Variants in DROSHA observed in about 807,000 individuals in gnomAD.
DROSHA encodes drosha ribonuclease III, also known as ribonuclease 3.
DROSHA carries 56 observed loss-of-function variants against 181.9 expected under a neutral mutation model. The observed-to-expected ratio is 0.31, with a 90% CI of 0.25 to 0.38. DROSHA has a LOEUF of 0.38. DROSHA is among the 10% of genes least tolerant of loss of function. The pLI, the probability that DROSHA is intolerant of heterozygous loss-of-function variation, is 1.00. For missense variants in DROSHA, 1,218 were observed against 1,743.5 expected (o/e 0.70, Z 5.37); for synonymous variants, 524 against 591.2 (o/e 0.89, Z 1.65).
At chr5:31,513,993 T>C (rs534246199) in intron 8 of DROSHA, among the ~76,000 whole-genome samples, 19 of 152,208 alleles carry the variant, frequency 1.2e-4, no homozygotes, top group East Asian at 3.9e-4. Flanking sequence ...GTAGAAATAG[T>C]GGTGGAGTCT....
chr5:31,480,178 G>GTATATATATA (rs55828936), intron 16 of DROSHA, among the ~76,000 whole-genome samples: 1,373 of 84,784 alleles, frequency 0.016, 99 homozygotes, highest in Middle Eastern at 0.039. Context: ...GGCAATGTCA[G>GTATATATATA]TATATATATA....
At position 31,410,716 on chromosome 5, in the gene DROSHA, G is replaced by A. The variant is rs757060975; in HGVS notation, c.3667+30C>T. On this transcript the variant is annotated intron_variant, in intron 31 of 35. Coordinates refer to ENST00000344624, the MANE Select transcript of DROSHA (RefSeq NM_001382508.1). ...TACTTGGACTTAAACTCTGAACCTGGAGGTTGAGAGAAAAGTGTGTGGCAC... is the reference window on the plus strand; with the variant it reads ...TACTTGGACTTAAACTCTGAACCTGAAGGTTGAGAGAAAAGTGTGTGGCAC... 4 of 1,604,288 alleles carry A rather than the reference G, an allele frequency of 2.5e-6. No individual in the cohort carries two copies. In the South Asian group the frequency reaches 4.5e-5, roughly 18 times the overall value.
chr5:31,497,646 T>C (rs1375416233), intron 11 of DROSHA, among the ~76,000 whole-genome samples: 1 of 152,234 alleles, frequency 6.6e-6, no homozygotes, highest in Non-Finnish European at 1.5e-5. Context: ...ACCCAGTAGC[T>C]GGATCAGAGA....
In DROSHA at chr5:31,437,246, G is replaced by A. The variant is rs940094145; in HGVS notation, c.2935C>T (p.Leu979=). The A allele has an allele frequency of 4.4e-6, 7 of 1,574,656 alleles. No individual in the cohort carries two copies. Among genetic ancestry groups the A allele is most frequent in the Admixed American group, 1.8e-5 (1 of 54,718 alleles). ...EFLGDAVVEF[L]TSVHLYYLFP... is the part of the protein sequence containing the mutation. ...ACAAAAAAGCCTAATTACCTGGTCA[G>A]AAATTCAACAACAGCATCACCCAGG... The change falls in exon 24 of 36, where the codon CTG becomes TTG. Residue 979 remains leucine (L), a synonymous_variant. Transcript: ENST00000344624.
In DROSHA at chr5:31,514,074, C is replaced by T. The variant is rs1739003532; in HGVS notation, c.1290+914G>A. On this transcript the variant is annotated intron_variant, in intron 8 of 35. Transcript: ENST00000344624. The surrounding 1 kb of genome is among the most constrained non-coding windows in gnomAD (Gnocchi z 4.4). Reference sequence around the variant, plus strand: ...CCCTGGCAGCATGTGCTCTAGGAGTCCTCCCTCCAGCCCATTAAGGGTGAC... The same window carrying T: ...CCCTGGCAGCATGTGCTCTAGGAGTTCTCCCTCCAGCCCATTAAGGGTGAC... Among the ~76,000 whole-genome samples the T allele has an allele frequency of 6.6e-6, 1 of 152,194 alleles. No individual in the cohort carries two copies. The highest frequency in any genetic ancestry group is 6.5e-5 in the Admixed American group (1 of 15,286).
At chr5:31,449,442 T>A in intron 21 of DROSHA, 23 bp from the exon 22 acceptor site, 1 of 1,549,996 alleles carries the variant, frequency 6.5e-7, no homozygotes, top group Non-Finnish European at 8.7e-7. Context: ...TGAAATAAGT[T>A]CAGTCTTTAA....
At chr5:31,522,781 C>T (rs12516743) in intron 5 of DROSHA, among the ~76,000 whole-genome samples, 67,371 of 152,096 alleles carry the variant, frequency 0.44, 15,222 homozygotes, top group South Asian at 0.5. Context: ...GGGCACACAT[C>T]CTTACCACTC....
rs73064380 is a variant in DROSHA, at chr5:31,491,351, C to T, written c.1842+1856G>A. ...ACAAAAGCCAATGAGATTGTTCCCACTAATACCCTAATCTTACAGATGAGA... is the reference window on the plus strand; with the variant it reads ...ACAAAAGCCAATGAGATTGTTCCCATTAATACCCTAATCTTACAGATGAGA... On this transcript the variant is annotated intron_variant, in intron 13 of 35. Coordinates refer to ENST00000344624, the MANE Select transcript of DROSHA (RefSeq NM_001382508.1). Among the ~76,000 whole-genome samples, 741 of 152,256 alleles carry T rather than the reference C, an allele frequency of 4.9e-3. 12 individuals are homozygous for T. Among genetic ancestry groups the T allele is most frequent in the African/African-American group, 0.017 (693 of 41,548 alleles).
Position 31,521,233 on chromosome 5 carries a change from A to G in DROSHA, c.855-18T>C, listed in dbSNP as rs1207614931. On this transcript the variant is annotated intron_variant, in intron 5 of 35. Transcript: ENST00000344624. ...CTCGCTCTCTTAAAGGAATTAATAC[A>G]CAGAGCTGTTTTCAACAGAAAGACT... The G allele has an allele frequency of 6.2e-7, 1 of 1,612,542 alleles. No individual in the cohort carries two copies. The highest frequency in any genetic ancestry group is 1.1e-5 in the South Asian group (1 of 90,978).
chr5:31,443,203 A>G (rs1385946613), intron 23 of DROSHA, among the ~76,000 whole-genome samples: 1 of 151,934 alleles, frequency 6.6e-6, no homozygotes, highest in East Asian at 1.9e-4. Flanking sequence ...TGTTTTTAGT[A>G]GAGAGGGTTT....
chr5:31,409,696 C>T lies in DROSHA; in HGVS notation c.3668-364G>A, dbSNP rs75163288. Reference sequence around the variant, plus strand: ...GAAGATTAGATATGATGCCAGAATACGCACATTCTTGGGTCTTGCCATTTT... The same window carrying T: ...GAAGATTAGATATGATGCCAGAATATGCACATTCTTGGGTCTTGCCATTTT... On this transcript the variant is annotated intron_variant, in intron 31 of 35. Transcript: ENST00000344624. The surrounding 1 kb of genome is among the most constrained non-coding windows in gnomAD (Gnocchi z 4.0). 1.4e-3 allele frequency: 253 copies of T among 182,836 alleles called. 2 individuals carry two copies. The highest frequency in any genetic ancestry group is 4.4e-3 in the African/African-American group (186 of 42,424). The allele number at this position is 182,836 out of a possible 1,614,324, so 11.3% of individuals were successfully genotyped here.
In DROSHA at chr5:31,421,160, A is replaced by C. The variant is rs1274429763; in HGVS notation, c.3525+112T>G. The C allele has an allele frequency of 7.3e-6, 6 of 823,016 alleles. No homozygotes were observed. The South Asian group carries it at 1.1e-4, about 15-fold the overall frequency. The allele number at this position is 823,016 out of a possible 1,614,324, so 51.0% of individuals were successfully genotyped here. Reference sequence around the variant, plus strand: ...AATGAAATGAACAAAGCCAATGATAAGCTAAAGTCACTAAGAGTAAGAAAT... The same window carrying C: ...AATGAAATGAACAAAGCCAATGATACGCTAAAGTCACTAAGAGTAAGAAAT... On this transcript the variant is annotated intron_variant, in intron 30 of 35. Coordinates refer to ENST00000344624, the MANE Select transcript of DROSHA (RefSeq NM_001382508.1).
At chr5:31,405,765 T>C (rs1561107982) in intron 34 of DROSHA, 42 bp from the exon 35 acceptor site, 4 of 1,011,886 alleles carry the variant, frequency 4.0e-6, no homozygotes, top group Non-Finnish European at 5.4e-6. Flanking sequence ...AATTTCAAGA[T>C]TCTTTTTTTT....
intron 20 of DROSHA, among the ~76,000 whole-genome samples, chr5:31,453,124 A>G (rs1245089080): frequency 1.3e-5 from 2 of 152,202 alleles, no homozygotes; most frequent in African/African-American, 4.8e-5. Flanking sequence ...TACTTTTTTA[A>G]TATTTCCTAT....
At chr5:31,465,419 C>T (rs1184073657) in intron 19 of DROSHA, among the ~76,000 whole-genome samples, 1 of 152,158 alleles carries the variant, frequency 6.6e-6, no homozygotes, top group Non-Finnish European at 1.5e-5. Flanking sequence ...TCTTTTCCAA[C>T]TTTAAGACCA....
chr5:31,412,508 T>C (rs1002318234), intron 30 of DROSHA, among the ~76,000 whole-genome samples: 3 of 152,204 alleles, frequency 2.0e-5, no homozygotes, highest in South Asian at 2.1e-4. Context: ...ATTCTTAGTG[T>C]CTGATAGTGA....
intron 18 of DROSHA, 74 bp downstream of exon 18, chr5:31,467,865 A>G: frequency 6.5e-7 from 1 of 1,543,402 alleles, no homozygotes; most frequent in Non-Finnish European, 8.8e-7. Context: ...CATCCACTAA[A>G]GGGTATTTCT....
At chr5:31,435,246 A>G (rs113219093) in intron 25 of DROSHA, among the ~76,000 whole-genome samples, 58 of 152,348 alleles carry the variant, frequency 3.8e-4, no homozygotes, top group African/African-American at 1.4e-3. Flanking sequence ...TCACTGAGCT[A>G]AGTCAATGAG....
At chr5:31,416,544 T>G (rs7719850) in intron 30 of DROSHA, among the ~76,000 whole-genome samples, 4 of 151,308 alleles carry the variant, frequency 2.6e-5, no homozygotes, top group African/African-American at 9.8e-5. Context: ...GGGGGCGGGA[T>G]GGGTAAGGGT....
Sources: gnomAD v4.1 joint callset for allele counts (sites outside exome capture counted in the v4.1 genomes callset) on GRCh38, gnomAD v4.1.1 for gene constraint, Gnocchi (gnomAD v3.1) non-coding constraint, MANE v1.5 for transcripts, NCBI Gene and HGNC (gene_info 2026-07-23, HGNC 2026-07-21) for gene names.